NRG3: variants seen among roughly 807,000 people sequenced by gnomAD.
NRG3 encodes the protein neuregulin 3.
In NRG3, 31 loss-of-function variants were observed where a neutral mutation model predicts 66.9. The observed-to-expected ratio is 0.46, with a 90% CI of 0.35 to 0.63. The LOEUF is 0.63. Ranked by LOEUF, NRG3 falls within the 20% of genes least tolerant of loss-of-function variation. NRG3 has a pLI of 0.00. For synonymous variants in NRG3, 393 were observed against 359.4 expected (o/e 1.09, Z -1.06); for missense variants, 910 against 878.9 (o/e 1.04, Z -0.45).
intron 1 of NRG3, among the ~76,000 whole-genome samples, chr10:82,268,591 G>A (rs761905127): frequency 3.3e-5 from 5 of 152,022 alleles, no homozygotes; most frequent in Non-Finnish European, 4.4e-5. Flanking sequence ...GATTCTGGCC[G>A]TATTATGAAA....
chr10:82,380,554 T>C (rs2085545762), intron 2 of NRG3, among the ~76,000 whole-genome samples: 1 of 152,132 alleles, frequency 6.6e-6, no homozygotes, highest in Admixed American at 6.5e-5. Flanking sequence ...ATAAGAGCTA[T>C]TTGAATTGTA....
In NRG3 at chr10:82,728,229, G is replaced by A. The variant is rs115483509; in HGVS notation, c.954-10348G>A. On this transcript the variant is annotated intron_variant, in intron 2 of 8. Transcript: ENST00000372141. ...ATGATTTGTTTTGGTTTTGAAATGT[G>A]AGGTCATGAGATTTCAGAGAGGTCG... 5.2e-3 allele frequency among the ~76,000 whole-genome samples: 796 copies of A among 152,244 alleles called. 8 individuals are homozygous for A. Among genetic ancestry groups the A allele is most frequent in the African/African-American group, 0.018 (756 of 41,536 alleles).
intron 1 of NRG3, among the ~76,000 whole-genome samples, chr10:82,037,327 A>G (rs945844007): frequency 6.6e-6 from 1 of 152,136 alleles, no homozygotes; most frequent in Non-Finnish European, 1.5e-5. Context: ...GCCCAGCTCC[A>G]TCAGGGCAGA....
chr10:82,169,130 G>A (rs908905537), intron 1 of NRG3, among the ~76,000 whole-genome samples: 1 of 152,058 alleles, frequency 6.6e-6, no homozygotes, highest in Non-Finnish European at 1.5e-5. Flanking sequence ...TGTGAAGAAA[G>A]CGACGAGCAT....
intron 1 of NRG3, among the ~76,000 whole-genome samples, chr10:81,958,166 G>C (rs1228380413): frequency 6.6e-6 from 1 of 152,162 alleles, no homozygotes; most frequent in Non-Finnish European, 1.5e-5. Flanking sequence ...GCCACATCCT[G>C]TTCTGACTGA....
chr10:82,775,041 G>T (rs1366255869), intron 3 of NRG3, among the ~76,000 whole-genome samples: 1 of 151,468 alleles, frequency 6.6e-6, no homozygotes, highest in East Asian at 1.9e-4. Flanking sequence ...TGGCCAGGCT[G>T]GTCTTGAACT....
At chr10:82,656,777 C>T (rs2051896326) in intron 2 of NRG3, among the ~76,000 whole-genome samples, 1 of 152,138 alleles carries the variant, frequency 6.6e-6, no homozygotes, top group Non-Finnish European at 1.5e-5. Context: ...GACATGCCCC[C>T]TCTTATCTGT....
intron 3 of NRG3, among the ~76,000 whole-genome samples, chr10:82,844,903 C>T (rs1299095236): frequency 6.6e-6 from 1 of 152,072 alleles, no homozygotes; most frequent in Non-Finnish European, 1.5e-5. Flanking sequence ...GCCTGTAATC[C>T]CAACACTTTG....
intron 2 of NRG3, among the ~76,000 whole-genome samples, chr10:82,712,117 A>T (rs2056706800): frequency 6.6e-6 from 1 of 152,152 alleles, no homozygotes; most frequent in Admixed American, 6.5e-5. Context: ...CAGTAGTTGT[A>T]ACTTTGGTTG....
intron 2 of NRG3, among the ~76,000 whole-genome samples, chr10:82,679,646 T>G (rs1338804717): frequency 1.3e-5 from 2 of 152,054 alleles, no homozygotes; most frequent in African/African-American, 4.8e-5. Flanking sequence ...AAACTAAGAG[T>G]GGGGCCTTTC....
intron 1 of NRG3, among the ~76,000 whole-genome samples, chr10:82,067,017 A>G (rs1589981859): frequency 1.9e-5 from 1 of 52,256 alleles, no homozygotes; most frequent in African/African-American, 8.3e-5. Flanking sequence ...CTAAATATAC[A>G]AAAGTTAAGA....
intron 2 of NRG3, among the ~76,000 whole-genome samples, chr10:82,403,107 C>T (rs1186141751): frequency 6.6e-6 from 1 of 152,068 alleles, no homozygotes; most frequent in Non-Finnish European, 1.5e-5. Flanking sequence ...GTCTGAAACA[C>T]GTGAAGACAC....
Position 82,663,596 on chromosome 10 carries a change from A to G in NRG3, c.954-74981A>G, listed in dbSNP as rs543467802. Among the ~76,000 whole-genome samples the G allele has an allele frequency of 2.0e-5, 3 of 152,312 alleles. No individual in the cohort carries two copies. The South Asian group carries it at 6.2e-4, about 32-fold the overall frequency. Reference sequence around the variant, plus strand: ...ATGGTATTCACTGACCTTTTTGAAAACACAGTGTGCCCTGAGCTCAGCGAG... The same window carrying G: ...ATGGTATTCACTGACCTTTTTGAAAGCACAGTGTGCCCTGAGCTCAGCGAG... On this transcript the variant is annotated intron_variant, in intron 2 of 8. Transcript: ENST00000372141.
intron 1 of NRG3, among the ~76,000 whole-genome samples, chr10:82,264,131 G>A (rs2078175047): frequency 6.6e-6 from 1 of 152,136 alleles, no homozygotes; most frequent in Non-Finnish European, 1.5e-5. Context: ...ATAGGGGCTG[G>A]AGTTAAAAAA....
intron 1 of NRG3, among the ~76,000 whole-genome samples, chr10:81,899,521 C>T (rs1057375966): frequency 6.6e-6 from 1 of 152,126 alleles, no homozygotes; most frequent in Non-Finnish European, 1.5e-5. Flanking sequence ...TTGTCCTCAC[C>T]CAGGAGAGGT....
intron 2 of NRG3, among the ~76,000 whole-genome samples, chr10:82,561,751 A>G (rs1394563806): frequency 2.0e-5 from 3 of 152,164 alleles, no homozygotes; most frequent in Non-Finnish European, 4.4e-5. Context: ...GTCTATTCCA[A>G]TTCTCCACCA....
rs1845432702 is a variant in NRG3 at position 81,914,011 on chromosome 10, ACT to A, written c.823+37853_823+37854del. On this transcript the variant is annotated intron_variant, in intron 1 of 8. Transcript: ENST00000372141. ...TGTATCAAGCGGTACAGCTATGCAC[ACT>A]CTCTAAGGCGGGCAGCTGTAAGGGC... Among the ~76,000 whole-genome samples, 13 of 152,186 alleles carry A rather than the reference ACT, an allele frequency of 8.5e-5. No homozygotes were observed. The South Asian group carries it at 2.7e-3, about 32-fold the overall frequency.
chr10:82,808,818 C>T (rs1250623249), intron 3 of NRG3, among the ~76,000 whole-genome samples: 1 of 152,106 alleles, frequency 6.6e-6, no homozygotes, highest in East Asian at 1.9e-4. Flanking sequence ...ATATATGGCT[C>T]CTGCCATAAT....
chr10:81,904,786 TTGTAAAGAACTGTGATCATTG>T (rs1389651674), intron 1 of NRG3, among the ~76,000 whole-genome samples: 1 of 152,154 alleles, frequency 6.6e-6, no homozygotes, highest in Non-Finnish European at 1.5e-5. Flanking sequence ...ACCGCCTCCT[TTGTAAAGAACTGTGATCATTG>T]GCAAGTAATC....
Sources: gnomAD v4.1 joint callset for allele counts (sites outside exome capture counted in the v4.1 genomes callset) on GRCh38, gnomAD v4.1.1 for gene constraint, MANE v1.5 for transcripts, NCBI Gene and HGNC (gene_info 2026-07-23, HGNC 2026-07-21) for gene names.